Variants in ANKRD17 observed in about 807,000 individuals in gnomAD.
ANKRD17 encodes the protein ankyrin repeat domain-containing protein 17.
In ANKRD17, 19 loss-of-function variants were observed where a neutral mutation model predicts 229.7. That is an observed-to-expected ratio of 0.08 (90% CI 0.06 to 0.12). ANKRD17 has a LOEUF of 0.12. ANKRD17 is among the 10% of genes least tolerant of loss of function. ANKRD17 has a pLI of 1.00. For synonymous variants in ANKRD17, 1,112 were observed against 1,146.1 expected, an observed-to-expected ratio of 0.97 and a Z score of 0.60; for missense variants, 2,176 against 3,176.8, an observed-to-expected ratio of 0.68 and a Z score of 7.57.
chr4:73,182,747 A>G (rs921027688), intron 1 of ANKRD17, among the ~76,000 whole-genome samples: 13 of 152,220 alleles, frequency 8.5e-5, no homozygotes, highest in African/African-American at 3.1e-4. Flanking sequence ...GAAAATTAGT[A>G]AAGCAAATAC....
chr4:73,185,803 A>G (rs1736218244), intron 1 of ANKRD17, among the ~76,000 whole-genome samples: 1 of 152,116 alleles, frequency 6.6e-6, no homozygotes, highest in African/African-American at 2.4e-5. Flanking sequence ...ATGTGAACAT[A>G]ATTGAAGGCA....
intron 29 of ANKRD17, among the ~76,000 whole-genome samples, chr4:73,088,078 T>C (rs1420781859): frequency 6.6e-6 from 1 of 152,212 alleles, no homozygotes; most frequent in Non-Finnish European, 1.5e-5. Context: ...AAGTATTTAC[T>C]ATGCTGCTTA....
At position 73,091,598 on chromosome 4, in the gene ANKRD17, T is replaced by C; in HGVS notation, c.6030A>G (p.Thr2010=). Residue 2010 remains threonine (T), a synonymous_variant, in exon 29 of 34, where the codon ACA becomes ACG. Coordinates refer to ENST00000358602, the MANE Select transcript of ANKRD17 (RefSeq NM_032217.5). The stretch of plus-strand genomic sequence containing the variant: ...TGCTTGCCGTGGTTGTGACTGTTGT[T>C]GTGGTGGCATTGGATGTCTTCACAA... The part of the protein sequence containing the change: ...VTVVKTSNAT[T]TTVTTTASNN... 4 of 1,614,204 alleles carry C rather than the reference T, an allele frequency of 2.5e-6. No homozygotes were observed. The South Asian group carries it at 4.4e-5, about 18-fold the overall frequency.
intron 1 of ANKRD17, among the ~76,000 whole-genome samples, chr4:73,193,392 C>T (rs1186135963): frequency 6.6e-6 from 1 of 152,152 alleles, no homozygotes; most frequent in African/African-American, 2.4e-5. Flanking sequence ...GAGGACAGGT[C>T]ATATGAGAAG....
intron 1 of ANKRD17, among the ~76,000 whole-genome samples, chr4:73,204,358 C>CAAAAAAAAAAAAAAAAAA (rs374000000): frequency 1.7e-5 from 1 of 59,142 alleles, no homozygotes; most frequent in African/African-American, 7.1e-5. Context: ...GAGACTCCGT[C>CAAAAAAAAAAAAAAAAAA]AAAAAAAAAA....
chr4:73,162,234 G>T (rs566807385), intron 2 of ANKRD17, among the ~76,000 whole-genome samples: 88 of 152,006 alleles, frequency 5.8e-4, no homozygotes, highest in African/African-American at 2.0e-3. Flanking sequence ...CTTTTTGGAG[G>T]AATCAGGGTC....
In ANKRD17 at chr4:73,074,590, G is replaced by C. The variant is rs1217023219; in HGVS notation, c.*1641C>G. ...TGTTTACAAATTTCTGGATATGTTT[G>C]AGAAGTCATCTTTTTACTCTTTACT... On this transcript the variant is annotated 3_prime_UTR_variant, in exon 34 of 34. Coordinates refer to ENST00000358602, the MANE Select transcript of ANKRD17 (RefSeq NM_032217.5). The C allele has an allele frequency of 3.3e-5, 5 of 151,818 alleles. No individual in the cohort carries two copies. Among genetic ancestry groups the C allele is most frequent in the African/African-American group, 7.2e-5 (3 of 41,388 alleles). 9.4% of individuals were successfully genotyped at this position (151,818 alleles called of 1,614,324 possible).
intron 1 of ANKRD17, among the ~76,000 whole-genome samples, chr4:73,228,441 T>G (rs558067024): frequency 6.6e-6 from 1 of 152,180 alleles, no homozygotes; most frequent in African/African-American, 2.4e-5. Context: ...TTAACTATGA[T>G]TTTTATGTAA....
At chr4:73,197,674 A>AT (rs1186105736) in intron 1 of ANKRD17, among the ~76,000 whole-genome samples, 4 of 150,928 alleles carry the variant, frequency 2.7e-5, no homozygotes, top group African/African-American at 7.3e-5. Context: ...TATTAAAAAA[A>AT]TTTTTTTTTT....
chr4:73,078,985 T>C (rs575906089), intron 30 of ANKRD17, 95 bp from the exon 31 acceptor site: 1 of 1,364,834 alleles, frequency 7.3e-7, no homozygotes, highest in East Asian at 2.5e-5. Context: ...GTTTTAAATA[T>C]ATATTCTCAG....
chr4:73,136,124 C>T (rs1728865339), intron 15 of ANKRD17, among the ~76,000 whole-genome samples: 1 of 152,126 alleles, frequency 6.6e-6, no homozygotes, highest in East Asian at 1.9e-4. Context: ...ATAGGATATA[C>T]TGTAGATTCA....
intron 11 of ANKRD17, among the ~76,000 whole-genome samples, chr4:73,143,934 T>C (rs1729917365): frequency 1.3e-5 from 2 of 152,106 alleles, no homozygotes; most frequent in African/African-American, 4.8e-5. Context: ...AGAGACAGAA[T>C]CTCACTGTGT....
intron 1 of ANKRD17, among the ~76,000 whole-genome samples, chr4:73,253,486 A>T (rs1745203588): frequency 6.6e-6 from 1 of 152,246 alleles, no homozygotes; most frequent in Admixed American, 6.5e-5. Context: ...TTTAACTCTC[A>T]TAACAATGTT....
intron 1 of ANKRD17, among the ~76,000 whole-genome samples, chr4:73,236,355 T>C (rs1040865275): frequency 6.6e-6 from 1 of 152,092 alleles, no homozygotes; most frequent in African/African-American, 2.4e-5. Context: ...GTTACTGCTA[T>C]GTTGACCAGG....
Position 73,118,840 on chromosome 4 carries a change from T to A in ANKRD17, c.4036A>T (p.Ile1346Phe), listed in dbSNP as rs749143977. ...TTCCCCTTCTTGTTACGTACATCAA[T>A]ATGAGCTCCCCTAAAAACCAATGAC... is the stretch of plus-strand genomic sequence containing the variant. ...CELLIGRGAH[I>F]DVRNKKGNTP... Residue 1346 changes from isoleucine to phenylalanine, a missense_variant, in exon 22 of 34, where the codon ATT (isoleucine) becomes TTT (phenylalanine). This residue lies in a region of ANKRD17 where 178 missense variants were observed against 421.7 expected (regional missense o/e 0.42). Transcript: ENST00000358602. 2 of 1,606,272 alleles carry A rather than the reference T, an allele frequency of 1.2e-6. No homozygotes were observed. The highest frequency in any genetic ancestry group is 1.7e-6 in the Non-Finnish European group (2 of 1,176,038).
At chr4:73,089,792 G>A (rs141132414) in intron 29 of ANKRD17, among the ~76,000 whole-genome samples, 2 of 152,052 alleles carry the variant, frequency 1.3e-5, no homozygotes, top group Non-Finnish European at 2.9e-5. Flanking sequence ...TAGAATTTTG[G>A]ATAATAGAAA....
chr4:73,111,202 A>G (rs1315434331), intron 24 of ANKRD17, among the ~76,000 whole-genome samples: 1 of 152,194 alleles, frequency 6.6e-6, no homozygotes, highest in African/African-American at 2.4e-5. Flanking sequence ...TTTATAAATT[A>G]GGCACAATGA....
chr4:73,099,026 G>C, intron 25 of ANKRD17: 2 of 989,530 alleles, frequency 2.0e-6, no homozygotes, highest in South Asian at 2.6e-5. Context: ...AAACAAGGGA[G>C]CTGCCAAGAC....
At chr4:73,183,755 T>G (rs1426351213) in intron 1 of ANKRD17, among the ~76,000 whole-genome samples, 1 of 152,184 alleles carries the variant, frequency 6.6e-6, no homozygotes, top group Non-Finnish European at 1.5e-5. Flanking sequence ...TGAGCCACTT[T>G]TACCCGGTCT....
Sources: gnomAD v4.1 joint callset for allele counts (sites outside exome capture counted in the v4.1 genomes callset) on GRCh38, gnomAD v4.1.1 for gene constraint, gnomAD v4.1.1 regional missense constraint, MANE v1.5 for transcripts, NCBI Gene and HGNC (gene_info 2026-07-23, HGNC 2026-07-21) for gene names.